KCNIP1: variants seen among roughly 807,000 people sequenced by gnomAD.
The protein encoded by KCNIP1 is A-type potassium channel modulatory protein KCNIP1.
A neutral mutation model predicts 33.0 loss-of-function variants in KCNIP1; 18 were observed. The observed-to-expected ratio is 0.55, with a 90% CI of 0.38 to 0.81. KCNIP1 has a LOEUF of 0.81. Among genes scored for constraint, KCNIP1 ranks in the 30% least tolerant of loss-of-function variants. The pLI is 0.00. For missense variants in KCNIP1, 238 were observed against 271.6 expected (o/e 0.88, Z 0.87); for synonymous variants, 93 against 98.3 (o/e 0.95, Z 0.32).
At chr5:170,559,832 A>C (rs1756971081) in intron 1 of KCNIP1, among the ~76,000 whole-genome samples, 1 of 152,170 alleles carries the variant, frequency 6.6e-6, no homozygotes, top group Non-Finnish European at 1.5e-5. Flanking sequence ...GCCCACAACC[A>C]AGCAAGAACT....
At chr5:170,551,776 TGTGA>T (rs972946915) in intron 1 of KCNIP1, among the ~76,000 whole-genome samples, 7 of 151,850 alleles carry the variant, frequency 4.6e-5, no homozygotes, top group Non-Finnish European at 7.4e-5. Flanking sequence ...GGTGTATGAA[TGTGA>T]GTGTGTGTAT....
At chr5:170,441,449 C>T (rs1442112361) in intron 1 of KCNIP1, among the ~76,000 whole-genome samples, 5 of 152,146 alleles carry the variant, frequency 3.3e-5, no homozygotes, top group Non-Finnish European at 5.9e-5. Flanking sequence ...CTCTGGTGCC[C>T]ATGTGCCCAC....
chr5:170,638,801 C>T (rs946356592), intron 1 of KCNIP1, among the ~76,000 whole-genome samples: 3 of 152,358 alleles, frequency 2.0e-5, no homozygotes, highest in African/African-American at 7.2e-5. Context: ...CAGAGGAAGC[C>T]TCAGGGGAAC....
intron 1 of KCNIP1, among the ~76,000 whole-genome samples, chr5:170,574,402 T>A (rs1334901203): frequency 6.6e-6 from 1 of 152,180 alleles, no homozygotes; most frequent in Non-Finnish European, 1.5e-5. Context: ...CAGATAATTA[T>A]TTACCCAAGT....
intron 5 of KCNIP1, among the ~76,000 whole-genome samples, chr5:170,727,533 C>CA (rs1366833610): frequency 6.6e-6 from 1 of 151,912 alleles, no homozygotes; most frequent in Non-Finnish European, 1.5e-5. Flanking sequence ...AGAAGACACT[C>CA]AAAAAATGTG....
intron 1 of KCNIP1, chr5:170,422,298 A>T (rs1324875862): frequency 6.6e-6 from 1 of 152,258 alleles, no homozygotes; most frequent in Non-Finnish European, 1.5e-5. Context: ...CAGCTGCGTG[A>T]CTATGTCTCT....
At chr5:170,405,326 C>G (rs946263104) in intron 1 of KCNIP1, among the ~76,000 whole-genome samples, 1 of 152,076 alleles carries the variant, frequency 6.6e-6, no homozygotes, top group African/African-American at 2.4e-5. Context: ...TCCCAAGTAG[C>G]TGGGACTGCA....
At chr5:170,636,043 A>G (rs1374746825) in intron 1 of KCNIP1, among the ~76,000 whole-genome samples, 2 of 152,346 alleles carry the variant, frequency 1.3e-5, no homozygotes, top group South Asian at 2.1e-4. Flanking sequence ...GACATTTTGG[A>G]GACTCCCTCA....
At chr5:170,391,817 TG>T (rs1754603147) in intron 1 of KCNIP1, among the ~76,000 whole-genome samples, 1 of 152,168 alleles carries the variant, frequency 6.6e-6, no homozygotes. Flanking sequence ...AGCCCCTCAG[TG>T]TTTTTGAGGA....
intron 1 of KCNIP1, among the ~76,000 whole-genome samples, chr5:170,479,588 A>G (rs920142550): frequency 6.6e-6 from 1 of 152,220 alleles, no homozygotes; most frequent in Non-Finnish European, 1.5e-5. Context: ...TCGCCATAGT[A>G]AAATGCAAGC....
At chr5:170,654,439 C>G (rs115752314) in intron 1 of KCNIP1, among the ~76,000 whole-genome samples, 1 of 152,136 alleles carries the variant, frequency 6.6e-6, no homozygotes, top group Non-Finnish European at 1.5e-5. Flanking sequence ...AAAATTGTGT[C>G]GTACTGTAAT....
chr5:170,474,770 A>C (rs1409338470), intron 1 of KCNIP1, among the ~76,000 whole-genome samples: 1 of 152,140 alleles, frequency 6.6e-6, no homozygotes, highest in African/African-American at 2.4e-5. Context: ...GGTCTCGCTG[A>C]CTTCAAGAAT....
At chr5:170,589,418 A>G (rs916731608) in intron 1 of KCNIP1, among the ~76,000 whole-genome samples, 4 of 152,238 alleles carry the variant, frequency 2.6e-5, no homozygotes, top group African/African-American at 9.6e-5. Flanking sequence ...ATTAATTAAC[A>G]TATATACTTA....
intron 1 of KCNIP1, among the ~76,000 whole-genome samples, chr5:170,663,057 G>A (rs1325767553): frequency 6.6e-6 from 1 of 152,186 alleles, no homozygotes. Context: ...AACCAGGCAT[G>A]GGGGATGGGG....
intron 1 of KCNIP1, among the ~76,000 whole-genome samples, chr5:170,686,636 A>G (rs190973745): frequency 6.6e-6 from 1 of 152,274 alleles, no homozygotes; most frequent in African/African-American, 2.4e-5. Flanking sequence ...AGCCAGCCCC[A>G]CAGCTGACCC....
At chr5:170,611,551 C>T (rs1254334760) in intron 1 of KCNIP1, among the ~76,000 whole-genome samples, 3 of 152,236 alleles carry the variant, frequency 2.0e-5, no homozygotes, top group Non-Finnish European at 2.9e-5. Flanking sequence ...TACATCCACT[C>T]AGGGTCGAAG....
In KCNIP1 at chr5:170,721,913, T is replaced by C. The variant is rs201508262; in HGVS notation, c.327+10T>C. The C allele has an allele frequency of 4.3e-6, 7 of 1,614,128 alleles. No homozygotes were observed. In the African/African-American group the frequency reaches 9.3e-5, roughly 22 times the overall value. ...CTCCGTGAAGTTCGAGGTACGCTCATCTGGGGTCCACTCTAGGGGTCCTCT... is the reference window on the plus strand; with the variant it reads ...CTCCGTGAAGTTCGAGGTACGCTCACCTGGGGTCCACTCTAGGGGTCCTCT... On this transcript the variant is annotated intron_variant, in intron 4 of 7. Coordinates refer to ENST00000328939, the MANE Select transcript of KCNIP1 (RefSeq NM_014592.4).
intron 1 of KCNIP1, among the ~76,000 whole-genome samples, chr5:170,449,020 G>A (rs1282787753): frequency 2.0e-5 from 3 of 152,130 alleles, no homozygotes; most frequent in Non-Finnish European, 2.9e-5. Flanking sequence ...TTCTCCTTGT[G>A]GGTTAACATC....
At position 170,526,744 on chromosome 5, in the gene KCNIP1, A is replaced by T. The variant is rs1380166907; in HGVS notation, c.61+22111A>T. 4.8e-5 allele frequency among the ~76,000 whole-genome samples: 6 copies of T among 125,342 alleles called. No individual in the cohort carries two copies. In the Admixed American group the frequency reaches 5.1e-4, roughly 11 times the overall value. The allele number at this position is 125,342 out of a possible 152,430, so 82.2% of individuals were successfully genotyped here. On this transcript the variant is annotated intron_variant, in intron 1 of 7. Transcript: ENST00000328939. Reference sequence around the variant, plus strand: ...CTTTTTTTTTTTTTTTTTTTTTGAGACAGAATCGCGCTCTGTTGCCCAGGC... The same window carrying T: ...CTTTTTTTTTTTTTTTTTTTTTGAGTCAGAATCGCGCTCTGTTGCCCAGGC...
Sources: allele counts gnomAD v4.1 joint callset (sites outside exome capture counted in the v4.1 genomes callset), GRCh38; gene constraint gnomAD v4.1.1; transcripts MANE v1.5; gene names NCBI Gene and HGNC (gene_info 2026-07-23, HGNC 2026-07-21).